The following SLC5A8 variants were observed in gnomAD, a reference collection of about 807,000 sequenced individuals.
SLC5A8 encodes the protein sodium-coupled monocarboxylate transporter 1.
SLC5A8 carries 55 observed loss-of-function variants against 71.9 expected under a neutral mutation model. The observed-to-expected ratio is 0.77, with a 90% confidence interval of 0.62 to 0.96. The LOEUF (loss-of-function observed/expected upper bound fraction) is 0.96, where lower values mean the gene tolerates loss of function less well. Among genes scored for constraint, SLC5A8 ranks in the 40% least tolerant of loss-of-function variants. The pLI, the probability that SLC5A8 is intolerant of heterozygous loss-of-function variation, is 0.00. For missense variants in SLC5A8, 701 were observed against 745.3 expected, an observed-to-expected ratio of 0.94 and a Z score of 0.69; for synonymous variants, 307 against 276.1, an observed-to-expected ratio of 1.11 and a Z score of -1.11.
chr12:101,186,003 C>T (rs768162331), intron 7 of SLC5A8, among the ~76,000 whole-genome samples: 23 of 151,502 alleles, frequency 1.5e-4, no homozygotes, highest in African/African-American at 1.2e-4. Flanking sequence ...GAAATCTTCA[C>T]GGACTCTCTA....
rs755368848 is a variant in SLC5A8, at chr12:101,195,126, G to A, written c.506C>T (p.Thr169Met). Reference protein sequence around the residue: ...GFDLWGAVVATGVVCTFYCTL... With the variant: ...GFDLWGAVVAMGVVCTFYCTL... The stretch of plus-strand genomic sequence containing the variant: ...GCAGTAGAATGTGCAGACCACCCCC[G>A]TTGCCACTACCGCGCCCCACAGATC... Residue 169 changes from threonine to methionine, a missense_variant, in exon 4 of 15, where the codon ACG (threonine) becomes ATG (methionine). Physicochemically the swap from Thr to Met is moderately conservative, Grantham distance 81. Transcript: ENST00000536262. 3.7e-6 allele frequency: 6 copies of A among 1,614,058 alleles called. No homozygotes were observed. Among genetic ancestry groups the A allele is most frequent in the Non-Finnish European group, 3.4e-6 (4 of 1,179,990 alleles).
intron 10 of SLC5A8, among the ~76,000 whole-genome samples, chr12:101,175,451 A>G (rs1015675564): frequency 7.9e-5 from 12 of 152,246 alleles, no homozygotes; most frequent in South Asian, 6.2e-4. Context: ...AATCTCTTTC[A>G]GACTTATGAA....
intron 12 of SLC5A8, 142 bp from the exon 13 acceptor site, chr12:101,162,219 C>T: frequency 3.3e-6 from 2 of 604,090 alleles, no homozygotes; most frequent in African/African-American, 1.8e-5. Flanking sequence ...CTAATTTTAT[C>T]TTATCAGATC....
At position 101,189,767 on chromosome 12, in the gene SLC5A8, A is replaced by G. The variant is rs746507522; in HGVS notation, c.833+701T>C. Among the ~76,000 whole-genome samples, 7 of 152,128 alleles carry G rather than the reference A, an allele frequency of 4.6e-5. No individual in the cohort carries two copies. In the South Asian group the frequency reaches 6.2e-4, roughly 14 times the overall value. ...CCTGCCCAAATTATGATCATTCTTCATATTCATTCTGCCAGTTCAATAGGA... is the reference window on the plus strand; with the variant it reads ...CCTGCCCAAATTATGATCATTCTTCGTATTCATTCTGCCAGTTCAATAGGA... On this transcript the variant is annotated intron_variant, in intron 6 of 14. Transcript: ENST00000536262.
chr12:101,180,232 A>G, intron 9 of SLC5A8, 136 bp from the exon 10 acceptor site: 1 of 864,324 alleles, frequency 1.2e-6, no homozygotes, highest in Non-Finnish European at 1.9e-6. Context: ...CATCAGAGCC[A>G]GTGAATAAAG....
At chr12:101,181,008 T>C (rs1371826300) in intron 9 of SLC5A8, among the ~76,000 whole-genome samples, 1 of 152,220 alleles carries the variant, frequency 6.6e-6, no homozygotes, top group African/African-American at 2.4e-5. Flanking sequence ...CCCTTTGTTT[T>C]AATACTTCCA....
chr12:101,185,701 C>G (rs1001794142), intron 7 of SLC5A8, among the ~76,000 whole-genome samples: 1 of 152,148 alleles, frequency 6.6e-6, no homozygotes, highest in African/African-American at 2.4e-5. Flanking sequence ...GCCTCAGCCT[C>G]CTGTGTAGCT....
At chr12:101,158,580 CTCTCTCTCTCTCTCTCTCTATATATATA>C (rs1370867851) in intron 13 of SLC5A8, among the ~76,000 whole-genome samples, 677 of 59,420 alleles carry the variant, frequency 0.011, 5 homozygotes, top group African/African-American at 0.024. Flanking sequence ...CTCTCTCTCT[CTCTCTCTCTCTCTCTCTCTATATATATA>C]TATATATATA....
intron 10 of SLC5A8, among the ~76,000 whole-genome samples, chr12:101,170,950 T>C (rs1303679328): frequency 2.0e-5 from 3 of 152,132 alleles, no homozygotes; most frequent in Non-Finnish European, 4.4e-5. Context: ...CTTTGCATCA[T>C]TGTTGAGTCT....
At chr12:101,172,151 C>T (rs188598705) in intron 10 of SLC5A8, among the ~76,000 whole-genome samples, 1 of 152,232 alleles carries the variant, frequency 6.6e-6, no homozygotes, top group African/African-American at 2.4e-5. Flanking sequence ...AGATGGCTGT[C>T]AGGCACAGCT....
chr12:101,160,511 T>TTCAA (rs1268964596), intron 13 of SLC5A8, among the ~76,000 whole-genome samples: 19 of 152,104 alleles, frequency 1.2e-4, no homozygotes, highest in Admixed American at 9.2e-4. Context: ...CACAACTAGT[T>TTCAA]GTAACACATG....
At chr12:101,190,666 C>A (rs1025182747) in intron 5 of SLC5A8, 58 bp from the exon 6 acceptor site, 5 of 1,498,160 alleles carry the variant, frequency 3.3e-6, no homozygotes, top group Admixed American at 5.0e-5. Context: ...AAAAAAAATT[C>A]TCTTAGACTA....
chr12:101,188,246 G>T lies in SLC5A8; in HGVS notation c.834-731C>A, dbSNP rs561205505. The stretch of plus-strand genomic sequence containing the variant: ...AAATGAAACAGTATATTATCATATA[G>T]CATGGTACTTACACATAATAAACCC... On this transcript the variant is annotated intron_variant, in intron 6 of 14. Transcript: ENST00000536262. 3.2e-4 allele frequency among the ~76,000 whole-genome samples: 49 copies of T among 152,246 alleles called. No individual in the cohort carries two copies. The South Asian group carries it at 1.0e-2, about 31-fold the overall frequency.
intron 5 of SLC5A8, among the ~76,000 whole-genome samples, chr12:101,191,846 C>T (rs1370848469): frequency 6.6e-6 from 1 of 152,122 alleles, no homozygotes; most frequent in Non-Finnish European, 1.5e-5. Context: ...TAATGACTTT[C>T]AAAACTAAGG....
intron 14 of SLC5A8, 54 bp downstream of exon 14, chr12:101,158,195 A>G: frequency 8.2e-7 from 1 of 1,215,526 alleles, no homozygotes; most frequent in Non-Finnish European, 1.2e-6. Context: ...TTAGTGTTCT[A>G]TCCAGGTAAT....
At chr12:101,193,392 C>T (rs1175483829) in intron 5 of SLC5A8, among the ~76,000 whole-genome samples, 4 of 152,266 alleles carry the variant, frequency 2.6e-5, no homozygotes, top group African/African-American at 9.6e-5. Flanking sequence ...AGTCCCTTCT[C>T]AGAAGGAAAC....
chr12:101,182,728 A>G, intron 9 of SLC5A8, 75 bp downstream of exon 9: 1 of 988,266 alleles, frequency 1.0e-6, no homozygotes, highest in Non-Finnish European at 1.5e-6. Flanking sequence ...CTGTAGCTTC[A>G]GTGGAAAAGA....
At chr12:101,161,866 A>G (rs1250233821) in intron 13 of SLC5A8, 108 bp downstream of exon 13, 3 of 794,092 alleles carry the variant, frequency 3.8e-6, no homozygotes, top group African/African-American at 3.4e-5. Context: ...AAATAATTAA[A>G]CTAGTTGGCA....
At chr12:101,183,040 T>TA (rs1868440973) in intron 8 of SLC5A8, 125 bp from the exon 9 acceptor site, 1 of 399,856 alleles carries the variant, frequency 2.5e-6, no homozygotes, top group South Asian at 5.7e-5. Flanking sequence ...CTATGCTTTT[T>TA]TTTTTTTTTT....
Sources: allele counts gnomAD v4.1 joint callset (sites outside exome capture counted in the v4.1 genomes callset), GRCh38; gene constraint gnomAD v4.1.1; transcripts MANE v1.5; gene names NCBI Gene and HGNC (gene_info 2026-07-23, HGNC 2026-07-21).